PODXL2: variants seen among roughly 807,000 people sequenced by gnomAD.
PODXL2 encodes the protein podocalyxin like 2.
PODXL2 carries 17 observed loss-of-function variants against 53.4 expected under a neutral mutation model. The ratio of observed to expected loss-of-function variants is 0.32; its 90% confidence interval spans 0.22 to 0.48. PODXL2 has a LOEUF of 0.48. PODXL2 is among the 20% of genes least tolerant of loss of function. The pLI, the probability that PODXL2 is intolerant of heterozygous loss-of-function variation, is 0.99. For synonymous variants in PODXL2, 311 were observed against 306.7 expected (o/e 1.01, Z -0.15); for missense variants, 673 against 760.0 (o/e 0.89, Z 1.35).
chr3:127,653,416 G>A (rs796267249), intron 2 of PODXL2, among the ~76,000 whole-genome samples: 3 of 152,332 alleles, frequency 2.0e-5, no homozygotes, highest in African/African-American at 7.2e-5. Flanking sequence ...GGAGGCCAAG[G>A]CAGGCAGATC....
intron 2 of PODXL2, among the ~76,000 whole-genome samples, chr3:127,641,584 G>T (rs1576427847): frequency 6.6e-6 from 1 of 151,912 alleles, no homozygotes; most frequent in Non-Finnish European, 1.5e-5. Flanking sequence ...TGCCATCTTG[G>T]CTCACCACAA....
At chr3:127,660,236 G>T in intron 2 of PODXL2, 142 bp from the exon 3 acceptor site, 1 of 922,952 alleles carries the variant, frequency 1.1e-6, no homozygotes, top group Non-Finnish European at 1.6e-6. Flanking sequence ...CCCACAGTCT[G>T]CTCCCCTGGC....
At chr3:127,671,822 G>A (rs1455927310) in intron 7 of PODXL2, among the ~76,000 whole-genome samples, 1 of 152,196 alleles carries the variant, frequency 6.6e-6, no homozygotes, top group Non-Finnish European at 1.5e-5. Flanking sequence ...GGGGCTGCTA[G>A]CCCCACCAGG....
At chr3:127,652,092 C>A (rs1479392792) in intron 2 of PODXL2, among the ~76,000 whole-genome samples, 1 of 152,190 alleles carries the variant, frequency 6.6e-6, no homozygotes, top group African/African-American at 2.4e-5. Context: ...ACTAAATGAC[C>A]AGGATGTGTC....
intron 3 of PODXL2, among the ~76,000 whole-genome samples, chr3:127,661,387 C>A (rs567199593): frequency 6.6e-6 from 1 of 152,304 alleles, no homozygotes; most frequent in African/African-American, 2.4e-5. Flanking sequence ...GGTGGCCTGG[C>A]CTGGGTTTCA....
chr3:127,639,255 G>C lies in PODXL2; in HGVS notation c.81G>C (p.Leu27=). Residue 27 remains leucine, a synonymous_variant, in exon 2 of 8, where the codon CTG becomes CTC. Transcript: ENST00000342480. ...TTTATGTCTGCACAGGAGCGTTCCT[G>C]GGTGCCTGTGTGGCTGGGTCTGATG... The part of the protein sequence containing the change: ...LLLLLVGGAF[L]GACVAGSDEP... 1 of 1,605,152 alleles carries C rather than the reference G, an allele frequency of 6.2e-7. No individual in the cohort carries two copies. Among genetic ancestry groups the C allele is most frequent in the Non-Finnish European group, 8.5e-7 (1 of 1,176,936 alleles).
At chr3:127,636,682 C>T (rs1204626232) in intron 1 of PODXL2, among the ~76,000 whole-genome samples, 1 of 152,222 alleles carries the variant, frequency 6.6e-6, no homozygotes, top group Non-Finnish European at 1.5e-5. Context: ...AGAAGACATT[C>T]CGGATGGGGT....
At chr3:127,654,825 G>C in intron 2 of PODXL2, among the ~76,000 whole-genome samples, 1 of 152,210 alleles carries the variant, frequency 6.6e-6, no homozygotes, top group South Asian at 2.1e-4. Flanking sequence ...GGTGGCTTAC[G>C]CCTATAATCC....
At chr3:127,660,190 T>A (rs2074755389) in intron 2 of PODXL2, among the ~76,000 whole-genome samples, 188 bp from the exon 3 acceptor site, 1 of 152,134 alleles carries the variant, frequency 6.6e-6, no homozygotes, top group South Asian at 2.1e-4. Context: ...TTTATCATCA[T>A]AAAGGAAACA....
intron 2 of PODXL2, among the ~76,000 whole-genome samples, chr3:127,658,908 A>T (rs948200792): frequency 6.6e-6 from 1 of 151,430 alleles, no homozygotes; most frequent in Admixed American, 6.6e-5. Flanking sequence ...TAGGTATTAG[A>T]TCTCCTACAT....
rs771599815 is a variant in PODXL2, at chr3:127,660,782, A to G, written c.754A>G (p.Thr252Ala). Residue 252 changes from threonine (T) to alanine (A), a missense_variant, in exon 3 of 8, where the codon ACA (threonine) becomes GCA (alanine). Around this residue, in one of 3 missense-constraint regions of PODXL2, gnomAD observed 588 missense variants for 668.3 expected, o/e 0.88. Transcript: ENST00000342480. Reference protein sequence around the residue: ...SLLLPSVTPTTVTPGDQDSTS... With the variant: ...SLLLPSVTPTAVTPGDQDSTS... ...GCTGCTGCCTTCAGTCACCCCAACT[A>G]CAGTGACTCCGGGGGACCAGGACTC... 1 of 1,614,102 alleles carries G rather than the reference A, an allele frequency of 6.2e-7. No homozygotes were observed. Among genetic ancestry groups the G allele is most frequent in the Non-Finnish European group, 8.5e-7 (1 of 1,179,958 alleles).
chr3:127,671,490 G>A lies in PODXL2; in HGVS notation c.1482G>A (p.Val494=). 1 of 1,614,182 alleles carries A rather than the reference G, an allele frequency of 6.2e-7. No individual in the cohort carries two copies. The highest frequency in any genetic ancestry group is 1.1e-5 in the South Asian group (1 of 91,088). ...GCTGCCAGGCGCGGGCCAGCCAGGT[G>A]CGCAGCGACTACGGCACGCTCTTCG... is the stretch of plus-strand genomic sequence containing the variant. The part of the protein sequence containing the change: ...TSSCQARASQ[V]RSDYGTLFVV... The change falls in exon 7 of 8, where the codon GTG becomes GTA. Residue 494 remains valine (V), a synonymous_variant. Transcript: ENST00000342480.
intron 2 of PODXL2, among the ~76,000 whole-genome samples, chr3:127,641,606 C>A (rs2074620939): frequency 6.6e-6 from 1 of 151,964 alleles, no homozygotes; most frequent in African/African-American, 2.4e-5. Context: ...CTCCGCCTCC[C>A]AGGTTCAAGC....
chr3:127,658,989 T>A (rs1305200448), intron 2 of PODXL2, among the ~76,000 whole-genome samples: 1 of 152,142 alleles, frequency 6.6e-6, no homozygotes, highest in Non-Finnish European at 1.5e-5. Flanking sequence ...TCCTTGACTT[T>A]TTTTTTTCCC....
chr3:127,653,039 C>A (rs1487941179), intron 2 of PODXL2, among the ~76,000 whole-genome samples: 1 of 152,154 alleles, frequency 6.6e-6, no homozygotes, highest in Non-Finnish European at 1.5e-5. Flanking sequence ...CCTTTTCCTG[C>A]TCAGCTTCAC....
chr3:127,672,162 A>G, intron 7 of PODXL2, 106 bp from the exon 8 acceptor site: 1 of 770,136 alleles, frequency 1.3e-6, no homozygotes, highest in Non-Finnish European at 2.1e-6. Context: ...GCACCTGTGG[A>G]GGGTGCCGCG....
At chr3:127,634,703 G>A (rs183228327) in intron 1 of PODXL2, among the ~76,000 whole-genome samples, 21 of 152,116 alleles carry the variant, frequency 1.4e-4, no homozygotes, top group African/African-American at 3.6e-4. Flanking sequence ...TCCAGCCTGG[G>A]CGACAAGAGT....
At chr3:127,652,723 A>G (rs1038552424) in intron 2 of PODXL2, among the ~76,000 whole-genome samples, 1 of 152,058 alleles carries the variant, frequency 6.6e-6, no homozygotes, top group African/African-American at 2.4e-5. Flanking sequence ...CTCTAGAGGT[A>G]CACCTTGGTC....
intron 2 of PODXL2, among the ~76,000 whole-genome samples, chr3:127,650,939 G>A (rs1284474059): frequency 7.9e-5 from 12 of 152,114 alleles, no homozygotes; most frequent in East Asian, 1.9e-4. Context: ...GATTACAGGC[G>A]TGAGCCACCG....
Sources: allele counts gnomAD v4.1 joint callset (sites outside exome capture counted in the v4.1 genomes callset), GRCh38; gene constraint gnomAD v4.1.1; regional missense constraint gnomAD v4.1.1; transcripts MANE v1.5; gene names NCBI Gene and HGNC (gene_info 2026-07-23, HGNC 2026-07-21).